CLIC5: variants seen among roughly 807,000 people sequenced by gnomAD.
The protein encoded by CLIC5 is chloride intracellular channel protein 5.
In CLIC5, 20 loss-of-function variants were observed where a neutral mutation model predicts 24.7. That is an observed-to-expected ratio of 0.81 (90% CI 0.57 to 1.18). The LOEUF is 1.18. Among genes scored for constraint, CLIC5 ranks in the 50% most tolerant of loss-of-function variants. The pLI is 0.00. For missense variants in CLIC5, 341 were observed against 326.1 expected (o/e 1.05, Z -0.35); for synonymous variants, 159 against 135.6 (o/e 1.17, Z -1.20).
At chr6:45,994,972 C>T (rs1766079251) in intron 1 of CLIC5, among the ~76,000 whole-genome samples, 1 of 152,116 alleles carries the variant, frequency 6.6e-6, no homozygotes, top group African/African-American at 2.4e-5. Context: ...TGAACAAGTA[C>T]TATTGGTATA....
Position 45,949,368 on chromosome 6 carries a change from G to C in CLIC5, c.187C>G (p.Leu63Val). 6.2e-7 allele frequency: 1 copy of C among 1,613,496 alleles called. No individual in the cohort carries two copies. The highest frequency in any genetic ancestry group is 1.3e-5 in the African/African-American group (1 of 75,014). The stretch of plus-strand genomic sequence containing the variant: ...TGCGTGCCGGGGGCTAGGTTGTGCA[G>C]GTCAGCTGGCTTTCTGTAGAGAGAG... Reference protein sequence around the residue: ...TVDLKRKPADLHNLAPGTHPP... With the variant: ...TVDLKRKPADVHNLAPGTHPP... The change falls in exon 3 of 6, where the codon CTG (leucine) becomes GTG (valine). Residue 63 changes from leucine to valine, a missense_variant. Physicochemically the swap from Leu to Val is conservative, Grantham distance 32. Transcript: ENST00000339561.
At chr6:46,025,697 C>T (rs1166886392) in intron 1 of CLIC5, among the ~76,000 whole-genome samples, 1 of 152,158 alleles carries the variant, frequency 6.6e-6, no homozygotes, top group African/African-American at 2.4e-5. Flanking sequence ...TGGCCTTTAA[C>T]ATGGTTTGGC....
At chr6:46,099,247 T>C in the CLIC5 span, among the ~76,000 whole-genome samples, 24 of 152,168 alleles carry the variant, frequency 1.6e-4, no homozygotes, top group Admixed American at 1.5e-3. Flanking sequence ...GTCTTTAGGA[T>C]GTTTGACCTG....
chr6:45,907,981 C>T (rs1762708421), intron 5 of CLIC5, among the ~76,000 whole-genome samples: 1 of 152,112 alleles, frequency 6.6e-6, no homozygotes, highest in South Asian at 2.1e-4. Context: ...TGTCTTGTTA[C>T]AGTTTTCAAG....
intron 1 of CLIC5, among the ~76,000 whole-genome samples, chr6:46,076,467 T>G (rs1194242512): frequency 6.6e-6 from 1 of 151,816 alleles, no homozygotes; most frequent in African/African-American, 2.4e-5. Context: ...GCAAGGAGAG[T>G]CGGAAGAAGG....
At chr6:46,022,923 C>T (rs921440018) in intron 1 of CLIC5, among the ~76,000 whole-genome samples, 3 of 152,134 alleles carry the variant, frequency 2.0e-5, no homozygotes, top group Non-Finnish European at 4.4e-5. Flanking sequence ...TATGGCTTTT[C>T]AACTGGAGTG....
downstream of CLIC5, among the ~76,000 whole-genome samples, chr6:45,896,376 T>C (rs1351904317): frequency 6.6e-6 from 1 of 152,212 alleles, no homozygotes; most frequent in Non-Finnish European, 1.5e-5. Flanking sequence ...GATTGTATAA[T>C]CTCATAGACA....
chr6:45,997,527 A>G (rs1766193839), intron 1 of CLIC5, among the ~76,000 whole-genome samples: 1 of 150,112 alleles, frequency 6.7e-6, no homozygotes, highest in Non-Finnish European at 1.5e-5. Flanking sequence ...AAAAAAAAAA[A>G]GAAAGCCAGT....
chr6:46,060,890 T>A (rs950534044), intron 1 of CLIC5, among the ~76,000 whole-genome samples: 1 of 152,210 alleles, frequency 6.6e-6, no homozygotes. Flanking sequence ...GTCCTTCATG[T>A]TGTGAATCCT....
chr6:46,015,433 C>A, intron 1 of CLIC5, 47 bp downstream of exon 1: 1 of 1,471,080 alleles, frequency 6.8e-7, no homozygotes, highest in Admixed American at 2.2e-5. Flanking sequence ...TGGGTGAGCC[C>A]GGCGGGAGGC....
chr6:45,993,371 CTT>C (rs1179092835), intron 1 of CLIC5, among the ~76,000 whole-genome samples: 9 of 152,282 alleles, frequency 5.9e-5, no homozygotes, highest in Admixed American at 2.0e-4. Flanking sequence ...GTAGGCAAGA[CTT>C]TATTCAACAA....
At chr6:45,981,313 G>C (rs1455293772) in intron 1 of CLIC5, among the ~76,000 whole-genome samples, 1 of 151,768 alleles carries the variant, frequency 6.6e-6, no homozygotes, top group Non-Finnish European at 1.5e-5. Context: ...GTGCTTACTA[G>C]ATGAGTAGTA....
intron 1 of CLIC5, among the ~76,000 whole-genome samples, chr6:46,003,003 A>G (rs747409268): frequency 6.6e-6 from 1 of 152,196 alleles, no homozygotes; most frequent in Non-Finnish European, 1.5e-5. Context: ...AGAGAGCACA[A>G]ATTCTGATGT....
In CLIC5 at chr6:45,922,235, C is replaced by G. The variant is rs569443162; in HGVS notation, c.407-7826G>C. Among the ~76,000 whole-genome samples the G allele has an allele frequency of 1.9e-3, 290 of 152,222 alleles. 3 individuals are homozygous for G. Among genetic ancestry groups the G allele is most frequent in the Middle Eastern group, 0.01 (3 of 294 alleles). ...TCCAGTAAGAAGCCAGTAAATGATT[C>G]TTTATTTGAAAGATAGCGTTTAAGT... On this transcript the variant is annotated intron_variant, in intron 4 of 5. Coordinates refer to ENST00000339561, the MANE Select transcript of CLIC5 (RefSeq NM_016929.5).
At chr6:45,957,219 C>T (rs75780700) in intron 1 of CLIC5, among the ~76,000 whole-genome samples, 3,167 of 152,114 alleles carry the variant, frequency 0.021, 119 homozygotes, top group African/African-American at 0.073. Flanking sequence ...TAGTGGACTT[C>T]TCAACTACAT....
At chr6:46,107,534 T>C in the CLIC5 span, among the ~76,000 whole-genome samples, 1 of 152,212 alleles carries the variant, frequency 6.6e-6, no homozygotes, top group East Asian at 1.9e-4. Flanking sequence ...TTGTGATTAA[T>C]ATGTGTAATT....
chr6:46,106,737 A>T, the CLIC5 span, among the ~76,000 whole-genome samples: 2 of 152,182 alleles, frequency 1.3e-5, no homozygotes, highest in South Asian at 4.1e-4. Context: ...ATCTTCCTCT[A>T]ACACACCCAA....
intron 1 of CLIC5, among the ~76,000 whole-genome samples, chr6:46,077,903 C>T (rs563650426): frequency 2.0e-5 from 3 of 152,262 alleles, no homozygotes; most frequent in South Asian, 4.1e-4. Flanking sequence ...TTGCTCAATA[C>T]CAGCCATAGG....
chr6:45,895,151 A>T (rs1762382567), downstream of CLIC5, among the ~76,000 whole-genome samples: 1 of 152,134 alleles, frequency 6.6e-6, no homozygotes, highest in East Asian at 1.9e-4. Context: ...TCTTATCTGT[A>T]TTTTCAAAAT....
Sources: allele counts gnomAD v4.1 joint callset (sites outside exome capture counted in the v4.1 genomes callset), GRCh38; gene constraint gnomAD v4.1.1; transcripts MANE v1.5; gene names NCBI Gene and HGNC (gene_info 2026-07-23, HGNC 2026-07-21).